TENT2: variants seen among roughly 807,000 people sequenced by gnomAD.
The protein encoded by TENT2 is terminal nucleotidyltransferase 2.
Under a neutral mutation model 72.2 loss-of-function variants are expected in TENT2, and 44 were observed. That is an observed-to-expected ratio of 0.61 (90% confidence interval 0.48 to 0.78). TENT2 has a LOEUF of 0.78. Among genes scored for constraint, TENT2 ranks in the 30% least tolerant of loss-of-function variants. The probability of loss-of-function intolerance (pLI) is 0.00; values close to 1 mark genes in which losing one functional copy is unlikely to be tolerated. For synonymous variants in TENT2, 212 were observed against 192.5 expected (o/e 1.10, Z -0.84); for missense variants, 541 against 569.6 (o/e 0.95, Z 0.51).
chr5:79,648,051 A>G (rs1024294261), intron 8 of TENT2, among the ~76,000 whole-genome samples: 1 of 152,318 alleles, frequency 6.6e-6, no homozygotes, highest in South Asian at 2.1e-4. Flanking sequence ...ATATGATGCT[A>G]TAATTCCAGA....
At chr5:79,647,261 G>A (rs1789855981) in intron 8 of TENT2, among the ~76,000 whole-genome samples, 1 of 152,094 alleles carries the variant, frequency 6.6e-6, no homozygotes, top group South Asian at 2.1e-4. Context: ...AGTATTTTGT[G>A]CATAAATGCT....
intron 4 of TENT2, among the ~76,000 whole-genome samples, chr5:79,628,253 G>C (rs768750444): frequency 5.9e-5 from 9 of 152,212 alleles, no homozygotes; most frequent in Non-Finnish European, 8.8e-5. Context: ...AGTGAGTGAA[G>C]GGTTCAGTGT....
At chr5:79,621,681 C>T (rs914346626) in intron 3 of TENT2, among the ~76,000 whole-genome samples, 2 of 150,252 alleles carry the variant, frequency 1.3e-5, no homozygotes, top group Non-Finnish European at 3.0e-5. Context: ...TGGCATGAAC[C>T]CAGGAGGTGG....
chr5:79,679,907 C>T (rs564069076), intron 13 of TENT2, among the ~76,000 whole-genome samples: 1 of 152,052 alleles, frequency 6.6e-6, no homozygotes, highest in South Asian at 2.1e-4. Context: ...GTCTTTATCC[C>T]TCTTACTTGT....
At chr5:79,632,061 A>G (rs1049255931) in intron 4 of TENT2, among the ~76,000 whole-genome samples, 19 of 152,334 alleles carry the variant, frequency 1.2e-4, no homozygotes, top group Admixed American at 3.9e-4. Context: ...ATAGTGGAGA[A>G]TGTTTGAAAT....
At chr5:79,615,716 T>C (rs914181633) in intron 1 of TENT2, among the ~76,000 whole-genome samples, 6 of 149,316 alleles carry the variant, frequency 4.0e-5, no homozygotes, top group South Asian at 2.1e-4. Flanking sequence ...TTTCTTTTTT[T>C]TTTTTGTTTT....
rs1256520964 is a variant in TENT2, at chr5:79,687,444, A to C, written c.*2171A>C. Among the ~76,000 whole-genome samples, 2 of 152,160 alleles carry C rather than the reference A, an allele frequency of 1.3e-5. No homozygotes were observed. The highest frequency in any genetic ancestry group is 2.4e-5 in the African/African-American group (1 of 41,452). On this transcript the variant is annotated 3_prime_UTR_variant, in exon 15 of 15. Transcript: ENST00000453514. ...CAGATACCAAAATCCACAGATACTC[A>C]AGTCCCTTATATAAAATGGTGTAGT... is the stretch of plus-strand genomic sequence containing the variant.
chr5:79,670,996 GA>G (rs1812601533), intron 12 of TENT2, among the ~76,000 whole-genome samples: 1 of 151,742 alleles, frequency 6.6e-6, no homozygotes, highest in Non-Finnish European at 1.5e-5. Flanking sequence ...GGGACTGGGG[GA>G]TGTTTGTGGA....
intron 7 of TENT2, among the ~76,000 whole-genome samples, chr5:79,643,566 C>A (rs1176028682): frequency 6.6e-6 from 1 of 152,130 alleles, no homozygotes; most frequent in Non-Finnish European, 1.5e-5. Flanking sequence ...AACAGACATT[C>A]ATTATGTGCC....
chr5:79,619,706 A>C lies in TENT2; in HGVS notation c.58A>C (p.Asn20His), dbSNP rs1404347907. Residue 20 changes from asparagine (N) to histidine (H), a missense_variant, in exon 2 of 15, where the codon AAT (asparagine) becomes CAT (histidine). Physicochemically the swap from Asn to His is moderately conservative, Grantham distance 68. Transcript: ENST00000453514. ...CTTCACTCCAAATCATCAACAACAT[A>C]ATAACTTCTTTACCCTGTCACCTAC... ...PPFTPNHQQHNNFFTLSPTVY... is the reference protein window; with the variant it reads ...PPFTPNHQQHHNFFTLSPTVY... 6.2e-7 allele frequency: 1 copy of C among 1,613,900 alleles called. No individual in the cohort carries two copies. The highest frequency in any genetic ancestry group is 8.5e-7 in the Non-Finnish European group (1 of 1,179,822).
intron 9 of TENT2, 111 bp downstream of exon 9, chr5:79,648,804 CTTATT>C (rs1234617597): frequency 2.3e-5 from 20 of 879,198 alleles, no homozygotes; most frequent in East Asian, 5.3e-5. Flanking sequence ...TATAGTGTAT[CTTATT>C]TTATTTGTAT....
At chr5:79,627,330 TAAC>T (rs940991886) in intron 4 of TENT2, among the ~76,000 whole-genome samples, 1 of 152,292 alleles carries the variant, frequency 6.6e-6, no homozygotes, top group African/African-American at 2.4e-5. Flanking sequence ...GTAAATTTAA[TAAC>T]AATTCATATT....
At chr5:79,631,675 G>A (rs1312563352) in intron 4 of TENT2, among the ~76,000 whole-genome samples, 2 of 152,156 alleles carry the variant, frequency 1.3e-5, no homozygotes, top group East Asian at 3.8e-4. Flanking sequence ...TGTGAAGTTA[G>A]GACAGGCTTT....
rs77791218 is a variant in TENT2, at chr5:79,646,180, G to A, written c.821+988G>A. Among the ~76,000 whole-genome samples, 860 of 152,222 alleles carry A rather than the reference G, an allele frequency of 5.6e-3. 10 individuals carry two copies. Among genetic ancestry groups the A allele is most frequent in the African/African-American group, 0.02 (827 of 41,538 alleles). ...GCATAGTGTGGAGTTACTTTCTAGT[G>A]TCCCCAAGTGCAAGAAGGCTGTGAT... On this transcript the variant is annotated intron_variant, in intron 8 of 14. Coordinates refer to ENST00000453514, the MANE Select transcript of TENT2 (RefSeq NM_001114394.3).
chr5:79,657,954 T>C (rs1799120428), intron 11 of TENT2, among the ~76,000 whole-genome samples: 1 of 152,244 alleles, frequency 6.6e-6, no homozygotes, highest in African/African-American at 2.4e-5. Flanking sequence ...ATAACAAATT[T>C]ACTTGACATG....
At position 79,645,290 on chromosome 5, in the gene TENT2, A is replaced by T. The variant is rs142183335; in HGVS notation, c.821+98A>T. On this transcript the variant is annotated intron_variant, in intron 8 of 14. Transcript: ENST00000453514. Reference sequence around the variant, plus strand: ...TAAGAAGTGTATGTTGTAGCATTACAGTTTATTTTAATCAGTTTTTAGAAA... The same window carrying T: ...TAAGAAGTGTATGTTGTAGCATTACTGTTTATTTTAATCAGTTTTTAGAAA... 6.3e-4 allele frequency: 592 copies of T among 936,296 alleles called. 4 individuals are homozygous for T. In the African/African-American group the frequency reaches 8.7e-3, roughly 14 times the overall value. 58.0% of individuals were successfully genotyped at this position (936,296 alleles called of 1,614,324 possible).
At chr5:79,641,054 G>T in intron 5 of TENT2, 51 bp from the exon 6 acceptor site, 2 of 1,484,844 alleles carry the variant, frequency 1.3e-6, no homozygotes, top group East Asian at 2.3e-5. Context: ...ACAGAACCAT[G>T]CACCTACTTT....
intron 6 of TENT2, 112 bp from the exon 7 acceptor site, chr5:79,642,720 A>T: frequency 1.3e-6 from 1 of 777,762 alleles, no homozygotes. Context: ...TTGAAAAATA[A>T]CTCCAAAGGA....
chr5:79,626,794 T>C (rs1580240346), intron 4 of TENT2, among the ~76,000 whole-genome samples: 1 of 130,852 alleles, frequency 7.6e-6, no homozygotes, highest in Non-Finnish European at 1.6e-5. Flanking sequence ...ATCGTGGATA[T>C]GAAAGCCTAT....
Sources: gnomAD v4.1 joint callset for allele counts (sites outside exome capture counted in the v4.1 genomes callset) on GRCh38, gnomAD v4.1.1 for gene constraint, MANE v1.5 for transcripts, NCBI Gene and HGNC (gene_info 2026-07-23, HGNC 2026-07-21) for gene names.